The following ENO4 variants were observed in gnomAD, a reference collection of about 807,000 sequenced individuals.
ENO4 encodes 2-phospho-D-glycerate hydro-lyase.
A neutral mutation model predicts 63.2 loss-of-function variants in ENO4; 53 were observed. The observed-to-expected ratio is 0.84, with a 90% CI of 0.67 to 1.05. The LOEUF (loss-of-function observed/expected upper bound fraction) is 1.05. Ranked by LOEUF, ENO4 falls within the 50% of genes least tolerant of loss-of-function variation. The pLI, the probability that ENO4 is intolerant of heterozygous loss-of-function variation, is 0.00. For missense variants in ENO4, 719 were observed against 772.0 expected, an observed-to-expected ratio of 0.93 and a Z score of 0.81; for synonymous variants, 266 against 283.8, an observed-to-expected ratio of 0.94 and a Z score of 0.63.
chr10:116,892,752 A>G (rs184006166), intron 10 of ENO4, among the ~76,000 whole-genome samples: 13 of 152,304 alleles, frequency 8.5e-5, no homozygotes, highest in Non-Finnish European at 1.9e-4. Flanking sequence ...TGGGTTTCAG[A>G]AATTGGGTCA....
intron 10 of ENO4, chr10:116,901,468 T>C (rs912086837): frequency 5.1e-6 from 5 of 984,996 alleles, no homozygotes; most frequent in Middle Eastern, 5.2e-4. Context: ...GAAAGACTGA[T>C]TGTCTCCTGA....
intron 10 of ENO4, chr10:116,901,490 TATC>T: frequency 1.0e-5 from 10 of 984,012 alleles, no homozygotes; most frequent in Non-Finnish European, 1.2e-5. Flanking sequence ...GCAGAGTCTG[TATC>T]ATCCAGATCA....
intron 4 of ENO4, among the ~76,000 whole-genome samples, chr10:116,860,453 G>A (rs2099558927): frequency 6.6e-6 from 1 of 152,188 alleles, no homozygotes; most frequent in Admixed American, 6.5e-5. Context: ...TTTCAAGACA[G>A]TTCAAATCCT....
chr10:116,876,488 CTACCAGAGG>C (rs1846836669), intron 11 of ENO4, among the ~76,000 whole-genome samples: 1 of 152,242 alleles, frequency 6.6e-6, no homozygotes, highest in Admixed American at 6.5e-5. Context: ...TTACTGAGGG[CTACCAGAGG>C]TATGGCCAAG....
intron 10 of ENO4, among the ~76,000 whole-genome samples, chr10:116,899,407 A>T (rs1847639129): frequency 6.6e-6 from 1 of 152,068 alleles, no homozygotes; most frequent in East Asian, 1.9e-4. Context: ...TGCAGCTCTT[A>T]GAGAAGACCA....
At chr10:116,895,980 C>T (rs1781663073) in intron 10 of ENO4, among the ~76,000 whole-genome samples, 1 of 152,134 alleles carries the variant, frequency 6.6e-6, no homozygotes, top group African/African-American at 2.4e-5. Context: ...CCCTCAATCC[C>T]CAAACTGGAA....
At chr10:116,879,407 T>C (rs893940216) in intron 12 of ENO4, 49 bp downstream of exon 12, 10 of 1,399,788 alleles carry the variant, frequency 7.1e-6, no homozygotes, top group South Asian at 2.6e-5. Context: ...TTATCACGAA[T>C]TGGTATTTCA....
chr10:116,873,090 G>T (rs1589761411), intron 9 of ENO4, among the ~76,000 whole-genome samples: 1 of 152,102 alleles, frequency 6.6e-6, no homozygotes, highest in East Asian at 1.9e-4. Flanking sequence ...AAATGTATTA[G>T]CTTGATATCA....
At chr10:116,886,151 C>A, downstream of ENO4, 1 of 761,420 alleles carries the variant, frequency 1.3e-6, no homozygotes, top group Non-Finnish European at 2.0e-6. Flanking sequence ...CCAAAACCTA[C>A]TAGGAATGTG....
rs1847050722 is a variant in ENO4 at position 116,882,519 on chromosome 10, A to G, written c.*850A>G. On this transcript the variant is annotated 3_prime_UTR_variant, in exon 14 of 14. Coordinates refer to ENST00000341276, the MANE Select transcript of ENO4 (RefSeq NM_001242699.2). ...AATATATTCAGACACAAACATATAG[A>G]TATAATAATATCCAACCACTTTATA... 1 of 152,096 alleles carries G rather than the reference A, an allele frequency of 6.6e-6. No homozygotes were observed. Among genetic ancestry groups the G allele is most frequent in the Non-Finnish European group, 1.5e-5 (1 of 68,024 alleles). 9.4% of individuals were successfully genotyped at this position (152,096 alleles called of 1,614,324 possible). A position where few individuals can be genotyped will look rare whatever the true frequency, so the allele number is the denominator to read the frequency against.
intron 13 of ENO4, 60 bp from the exon 14 acceptor site, chr10:116,881,455 T>C (rs1847006738): frequency 7.6e-7 from 1 of 1,307,718 alleles, no homozygotes. Flanking sequence ...TCAACTTATG[T>C]AGTATATAAA....
chr10:116,860,515 C>T (rs987924273), intron 4 of ENO4, among the ~76,000 whole-genome samples: 6 of 152,136 alleles, frequency 3.9e-5, no homozygotes, highest in African/African-American at 1.4e-4. Flanking sequence ...CTCTAAGCCC[C>T]AGTTTATGTA....
At chr10:116,899,552 A>T (rs968446742) in intron 10 of ENO4, among the ~76,000 whole-genome samples, 65 of 117,644 alleles carry the variant, frequency 5.5e-4, no homozygotes, top group Admixed American at 1.1e-3. Flanking sequence ...TGTGTGAGAG[A>T]GTGCATGCAT....
At chr10:116,857,234 A>G (rs1846289338) in intron 3 of ENO4, among the ~76,000 whole-genome samples, 2 of 152,192 alleles carry the variant, frequency 1.3e-5, no homozygotes, top group South Asian at 4.1e-4. Context: ...CCTAAGACTT[A>G]GTAAAAAGCT....
At position 116,899,506 on chromosome 10, in the gene ENO4, G is replaced by GGTGTGTGTGTGTGTGTGTGT. The variant is rs370396879; in HGVS notation, c.1195-11971_1195-11952dup. Reference sequence around the variant, plus strand: ...AAGGGAAGTTAGAGTGGCTGGGGCTGGTGTGTGTGTGTGTGTGTGTGTGTG... The same window carrying GGTGTGTGTGTGTGTGTGTGT: ...AAGGGAAGTTAGAGTGGCTGGGGCTGGTGTGTGTGTGTGTGTGTGTGTGTGTGTGTGTGTGTGTGTGTGTG... On this transcript the variant is annotated intron_variant, in intron 10 of 10. Coordinates refer to the ENO4 transcript ENST00000369207. Among the ~76,000 whole-genome samples, 390 of 124,554 alleles carry GGTGTGTGTGTGTGTGTGTGT rather than the reference G, an allele frequency of 3.1e-3. 3 individuals are homozygous for GGTGTGTGTGTGTGTGTGTGT. Among genetic ancestry groups the GGTGTGTGTGTGTGTGTGTGT allele is most frequent in the African/African-American group, 0.011 (365 of 34,164 alleles). 81.7% of individuals were successfully genotyped at this position (124,554 alleles called of 152,430 possible). A position where few individuals can be genotyped will look rare whatever the true frequency, so the allele number is the denominator to read the frequency against.
rs1261706970 is a variant in ENO4 at position 116,861,098 on chromosome 10, T to A, written c.844T>A (p.Ser282Thr). Residue 282 changes from serine (S) to threonine (T), a missense_variant, in exon 6 of 14, where the codon TCG (serine) becomes ACG (threonine). Ser to Thr is a moderately conservative substitution (Grantham distance 58, BLOSUM62 1). This residue lies in a region of ENO4 where 544 missense variants were observed against 583.6 expected (regional missense o/e 0.93). Transcript: ENST00000341276. ...TTLSMPLLMVSLVSCGKSSSG... is the reference protein window; with the variant it reads ...TTLSMPLLMVTLVSCGKSSSG... ...GCTATCTATGCCTTTGCTGATGGTATCGCTGGTCAGCTGTGGGAAGTCATC... is the reference window on the plus strand; with the variant it reads ...GCTATCTATGCCTTTGCTGATGGTAACGCTGGTCAGCTGTGGGAAGTCATC... The A allele has an allele frequency of 1.3e-6, 2 of 1,549,658 alleles. No homozygotes were observed. Among genetic ancestry groups the A allele is most frequent in the Non-Finnish European group, 1.7e-6 (2 of 1,146,532 alleles).
chr10:116,879,447 A>C (rs1846934947), intron 12 of ENO4, 89 bp downstream of exon 12: 2 of 986,882 alleles, frequency 2.0e-6, no homozygotes, highest in Non-Finnish European at 3.0e-6. Flanking sequence ...GGAGAAAGGC[A>C]TGTAACCTTT....
At chr10:116,877,629 G>A (rs1017614433) in intron 11 of ENO4, among the ~76,000 whole-genome samples, 1 of 152,062 alleles carries the variant, frequency 6.6e-6, no homozygotes, top group African/African-American at 2.4e-5. Flanking sequence ...GGGAAGCCTC[G>A]GGAGGCAGAA....
intron 10 of ENO4, among the ~76,000 whole-genome samples, chr10:116,910,420 A>G (rs1848145370): frequency 6.6e-6 from 1 of 152,212 alleles, no homozygotes; most frequent in Non-Finnish European, 1.5e-5. Flanking sequence ...ATTATTTCAC[A>G]AATTTCTCTC....
Sources: gnomAD v4.1 joint callset for allele counts (sites outside exome capture counted in the v4.1 genomes callset) on GRCh38, gnomAD v4.1.1 for gene constraint, gnomAD v4.1.1 regional missense constraint, MANE v1.5 for transcripts, NCBI Gene and HGNC (gene_info 2026-07-23, HGNC 2026-07-21) for gene names.